TRIO: variants seen among roughly 807,000 people sequenced by gnomAD.
The protein encoded by TRIO is triple functional domain protein.
Under a neutral mutation model 351.9 loss-of-function variants are expected in TRIO, and 58 were observed. The ratio of observed to expected loss-of-function variants is 0.16; its 90% CI spans 0.13 to 0.21. The LOEUF (loss-of-function observed/expected upper bound fraction) is 0.21. Ranked by LOEUF, TRIO falls within the 10% of genes least tolerant of loss-of-function variation. The pLI is 1.00. For missense variants in TRIO, 3,201 were observed against 4,027.8 expected, an observed-to-expected ratio of 0.79 and a Z score of 5.56; for synonymous variants, 1,758 against 1,595.7, an observed-to-expected ratio of 1.10 and a Z score of -2.42.
intron 34 of TRIO, among the ~76,000 whole-genome samples, chr5:14,430,866 C>T (rs1751053004): frequency 6.6e-6 from 1 of 152,080 alleles, no homozygotes; most frequent in African/African-American, 2.4e-5. Flanking sequence ...CAGGCACCCG[C>T]CACCCTGACT....
chr5:14,325,588 GC>G, intron 9 of TRIO, among the ~76,000 whole-genome samples: 1 of 152,308 alleles, frequency 6.6e-6, no homozygotes, highest in South Asian at 2.1e-4. Flanking sequence ...CTCCCGGTAG[GC>G]CCCACTTCTG....
Position 14,482,629 on chromosome 5 carries a change from G to A in TRIO, c.6513G>A (p.Leu2171=), listed in dbSNP as rs773595982. Residue 2171 remains leucine (L), a synonymous_variant, in exon 46 of 57, where the codon TTG becomes TTA. Transcript: ENST00000344204. The part of the protein sequence containing the change: ...QGKLLLQDTF[L]VTDQDAGLLP... The stretch of plus-strand genomic sequence containing the variant: ...AACTGCTCTTGCAGGACACATTCTT[G>A]GTCACAGACCAAGATGCAGGACTTC... The A allele has an allele frequency of 2.5e-5, 39 of 1,584,944 alleles. No individual in the cohort carries two copies. The highest frequency in any genetic ancestry group is 3.3e-5 in the Non-Finnish European group (38 of 1,162,176).
At chr5:14,166,784 G>A (rs1009299427) in intron 1 of TRIO, among the ~76,000 whole-genome samples, 1 of 152,154 alleles carries the variant, frequency 6.6e-6, no homozygotes, top group South Asian at 2.1e-4. Context: ...GTCCTCTCCA[G>A]TAGAAATTCA....
At chr5:14,234,817 C>T (rs561779762) in intron 1 of TRIO, among the ~76,000 whole-genome samples, 25 of 152,180 alleles carry the variant, frequency 1.6e-4, no homozygotes, top group African/African-American at 5.1e-4. Flanking sequence ...ACTTTATTTG[C>T]AAAAAGTTCT....
chr5:14,279,367 A>G (rs1053762130), intron 2 of TRIO, among the ~76,000 whole-genome samples: 13 of 150,844 alleles, frequency 8.6e-5, no homozygotes, highest in Admixed American at 4.0e-4. Flanking sequence ...GTTTTTTTTT[A>G]TTTGTTTGCT....
intron 1 of TRIO, among the ~76,000 whole-genome samples, chr5:14,165,185 T>A (rs1366156428): frequency 6.6e-6 from 1 of 152,206 alleles, no homozygotes; most frequent in Non-Finnish European, 1.5e-5. Flanking sequence ...TGTGAGAATA[T>A]TGCTTGATGC....
chr5:14,198,789 C>T (rs1202431491), intron 1 of TRIO, among the ~76,000 whole-genome samples: 1 of 152,148 alleles, frequency 6.6e-6, no homozygotes, highest in African/African-American at 2.4e-5. Flanking sequence ...CACCTGAGAG[C>T]ACCTCCAGAA....
chr5:14,495,706 C>T (rs960847761), intron 49 of TRIO, among the ~76,000 whole-genome samples: 4 of 147,276 alleles, frequency 2.7e-5, no homozygotes, highest in Middle Eastern at 3.4e-3. Flanking sequence ...TGGTGGCTCA[C>T]GCCTGTAATC....
At chr5:14,488,998 TCCTCACTGTCCTA>T in intron 48 of TRIO, 1 of 765,216 alleles carries the variant, frequency 1.3e-6, no homozygotes. Context: ...GTTTCCTGCT[TCCTCACTGTCCTA>T]CCCACCTGTT....
Position 14,481,633 on chromosome 5 carries a change from G to A in TRIO, c.6465+15G>A. The A allele has an allele frequency of 6.2e-7, 1 of 1,613,972 alleles. No homozygotes were observed. Among genetic ancestry groups the A allele is most frequent in the East Asian group, 2.2e-5 (1 of 44,880 alleles). On this transcript the variant is annotated intron_variant, in intron 45 of 56. Transcript: ENST00000344204. ...AAGGATTCGACGTAATGCGGCTCTT[G>A]TTTTTTAAGAGAGCTCCTCTGCCTT... is the stretch of plus-strand genomic sequence containing the variant.
intron 2 of TRIO, among the ~76,000 whole-genome samples, chr5:14,278,014 T>C (rs777134054): frequency 1.3e-5 from 2 of 152,250 alleles, no homozygotes; most frequent in Non-Finnish European, 2.9e-5. Flanking sequence ...TGAAGTTCTT[T>C]TCTAGGAAAA....
intron 28 of TRIO, among the ~76,000 whole-genome samples, chr5:14,395,352 A>G (rs1239005609): frequency 1.3e-5 from 2 of 152,234 alleles, no homozygotes; most frequent in African/African-American, 2.4e-5. Context: ...TTTGCTTTCT[A>G]ATTCTACAAA....
intron 1 of TRIO, among the ~76,000 whole-genome samples, chr5:14,226,555 G>GT (rs1793044911): frequency 6.6e-6 from 1 of 152,142 alleles, no homozygotes; most frequent in Admixed American, 6.5e-5. Context: ...AGATAGAAGG[G>GT]TTTTTATAAA....
chr5:14,452,238 C>T (rs1398778904), intron 34 of TRIO, among the ~76,000 whole-genome samples: 1 of 152,266 alleles, frequency 6.6e-6, no homozygotes, highest in Non-Finnish European at 1.5e-5. Flanking sequence ...GGCGCTTGTC[C>T]TTAGATTCGT....
At chr5:14,166,323 A>G (rs775999588) in intron 1 of TRIO, among the ~76,000 whole-genome samples, 8 of 152,190 alleles carry the variant, frequency 5.3e-5, no homozygotes, top group Non-Finnish European at 1.0e-4. Flanking sequence ...GTCTCTTGAC[A>G]CTTAATTCTC....
At chr5:14,495,658 GAA>G (rs56018324) in intron 49 of TRIO, among the ~76,000 whole-genome samples, 11 of 32,580 alleles carry the variant, frequency 3.4e-4, no homozygotes, top group Non-Finnish European at 5.0e-4. Flanking sequence ...GTCTCTACTA[GAA>G]AAAAAAAAAA....
chr5:14,502,473 C>A, intron 53 of TRIO, 106 bp from the exon 54 acceptor site: 1 of 1,058,332 alleles, frequency 9.4e-7, no homozygotes, highest in Non-Finnish European at 1.4e-6. Context: ...TGGCAGGTGC[C>A]CGGTGGCCAC....
At chr5:14,353,087 C>T (rs1416287325) in intron 11 of TRIO, among the ~76,000 whole-genome samples, 1 of 152,018 alleles carries the variant, frequency 6.6e-6, no homozygotes, top group Non-Finnish European at 1.5e-5. Context: ...GACCAAGTGA[C>T]ATATTTTGAA....
intron 11 of TRIO, among the ~76,000 whole-genome samples, chr5:14,340,852 G>A (rs1741880496): frequency 6.6e-6 from 1 of 152,106 alleles, no homozygotes; most frequent in Non-Finnish European, 1.5e-5. Context: ...TTTTACCTAG[G>A]GGACAAATAT....
Sources: allele counts gnomAD v4.1 joint callset (sites outside exome capture counted in the v4.1 genomes callset), GRCh38; gene constraint gnomAD v4.1.1; transcripts MANE v1.5; gene names NCBI Gene and HGNC (gene_info 2026-07-23, HGNC 2026-07-21).